Variants in ARNT observed in about 807,000 individuals in gnomAD.
ARNT encodes aryl hydrocarbon receptor nuclear translocator.
In ARNT, 30 loss-of-function variants were observed where a neutral mutation model predicts 105.0. The observed-to-expected ratio is 0.29, with a 90% CI of 0.21 to 0.39. ARNT has a LOEUF of 0.39. ARNT is among the 10% of genes least tolerant of loss of function. The pLI is 1.00. For missense variants in ARNT, 748 were observed against 978.7 expected (o/e 0.76, Z 3.15); for synonymous variants, 304 against 344.0 (o/e 0.88, Z 1.29).
In ARNT at chr1:150,810,085, C is replaced by A. The variant is rs968861476; in HGVS notation, c.*1936G>T. On this transcript the variant is annotated 3_prime_UTR_variant, in exon 22 of 22. Coordinates refer to ENST00000358595, the MANE Select transcript of ARNT (RefSeq NM_001668.4). ...TAAAGCCGCAATCAAGATCACACAACACAAGAAATTTTACAAAAGGAAAAA... is the reference window on the plus strand; with the variant it reads ...TAAAGCCGCAATCAAGATCACACAAAACAAGAAATTTTACAAAAGGAAAAA... 2 of 230,190 alleles carry A rather than the reference C, an allele frequency of 8.7e-6. No individual in the cohort carries two copies. Among genetic ancestry groups the A allele is most frequent in the African/African-American group, 4.4e-5 (2 of 45,068 alleles). The allele number at this position is 230,190 out of a possible 1,614,324, so 14.3% of individuals were successfully genotyped here.
At position 150,829,152 on chromosome 1, in the gene ARNT, C is replaced by G; in HGVS notation, c.1108G>C (p.Glu370Gln). The part of the protein sequence containing the change: ...PTEFISRHNI[E>Q]GIFTFVDHRC... ...TGATCCACAAAAGTGAAGATACCCT[C>G]AATGTTGTGTCGGGAGATGAACTCT... Residue 370 changes from glutamate to glutamine, a missense_variant, in exon 12 of 22, where the codon GAG (glutamate) becomes CAG (glutamine). Coordinates refer to ENST00000358595, the MANE Select transcript of ARNT (RefSeq NM_001668.4). The G allele has an allele frequency of 1.2e-6, 2 of 1,614,158 alleles. No homozygotes were observed. Among genetic ancestry groups the G allele is most frequent in the South Asian group, 2.2e-5 (2 of 91,082 alleles).
Position 150,816,394 on chromosome 1 carries a change from T to C in ARNT, c.1815A>G (p.Leu605=). The C allele has an allele frequency of 6.2e-7, 1 of 1,605,160 alleles. No individual in the cohort carries two copies. ...GCTGGACAATGGTTACAGGAGGGGCTAGGCCACTATTCCTAGGAGTGAATA... is the reference window on the plus strand; with the variant it reads ...GCTGGACAATGGTTACAGGAGGGGCCAGGCCACTATTCCTAGGAGTGAATA... The part of the protein sequence containing the change: ...RPAENFRNSG[L]APPVTIVQPS... The change falls in exon 19 of 22, where the codon CTA becomes CTG. Residue 605 remains leucine, a synonymous_variant. Coordinates refer to ENST00000358595, the MANE Select transcript of ARNT (RefSeq NM_001668.4).
chr1:150,829,799 G>T (rs987426728), intron 11 of ARNT, 105 bp downstream of exon 11: 5 of 1,234,316 alleles, frequency 4.1e-6, no homozygotes, highest in Non-Finnish European at 5.8e-6. Flanking sequence ...GAGTTTTATG[G>T]AATTCTTCAT....
chr1:150,824,599 C>G (rs1411855430), intron 13 of ARNT, among the ~76,000 whole-genome samples: 1 of 151,144 alleles, frequency 6.6e-6, no homozygotes, highest in African/African-American at 2.4e-5. Flanking sequence ...GGACTAGAGG[C>G]GTGCACCATC....
Position 150,831,920 on chromosome 1 carries a change from A to C in ARNT, c.870-17T>G. The C allele has an allele frequency of 7.7e-7, 1 of 1,301,842 alleles. No homozygotes were observed. The highest frequency in any genetic ancestry group is 2.4e-5 in the East Asian group (1 of 41,128). The allele number at this position is 1,301,842 out of a possible 1,614,324, so 80.6% of individuals were successfully genotyped here. A position where few individuals can be genotyped will look rare whatever the true frequency, so the allele number is the denominator to read the frequency against. ...AGTCCATTCCTAGAAGAGTTACAGG[A>C]GTTTGAAAAAAAAAAAAAAAATCTA... On this transcript the variant is annotated splice_polypyrimidine_tract_variant and intron_variant, in intron 9 of 21. Coordinates refer to ENST00000358595, the MANE Select transcript of ARNT (RefSeq NM_001668.4).
intron 3 of ARNT, among the ~76,000 whole-genome samples, chr1:150,847,144 G>A (rs933090989): frequency 5.9e-5 from 9 of 152,094 alleles, no homozygotes; most frequent in African/African-American, 1.4e-4. Flanking sequence ...AGAAAAAGAA[G>A]GGGGAGGCTG....
chr1:150,876,476 G>A, intron 1 of ARNT, 67 bp downstream of exon 1: 1 of 1,541,970 alleles, frequency 6.5e-7, no homozygotes, highest in Non-Finnish European at 8.7e-7. Context: ...TCAGCCCTGG[G>A]TCTCCTTAGT....
At chr1:150,826,693 G>A (rs1481669659) in intron 12 of ARNT, 76 bp from the exon 13 acceptor site, 6 of 1,123,018 alleles carry the variant, frequency 5.3e-6, no homozygotes, top group Non-Finnish European at 7.9e-6. Flanking sequence ...TGCCCAGGCT[G>A]GAGTACGATG....
intron 20 of ARNT, among the ~76,000 whole-genome samples, chr1:150,813,678 C>T (rs1655223055): frequency 6.6e-6 from 1 of 150,474 alleles, no homozygotes; most frequent in South Asian, 2.1e-4. Flanking sequence ...GAGTTTCACT[C>T]TTGTTGCCCA....
chr1:150,866,618 TAA>T (rs1386564384), intron 1 of ARNT, among the ~76,000 whole-genome samples: 2 of 152,202 alleles, frequency 1.3e-5, no homozygotes, highest in African/African-American at 4.8e-5. Context: ...TAAAACTATC[TAA>T]GTCTTTAAAT....
At chr1:150,867,566 T>C (rs1200107353) in intron 1 of ARNT, among the ~76,000 whole-genome samples, 1 of 152,106 alleles carries the variant, frequency 6.6e-6, no homozygotes, top group Admixed American at 6.6e-5. Flanking sequence ...GATAAAAATA[T>C]AGGAAAGTAG....
chr1:150,819,849 G>GT (rs1656700397), intron 14 of ARNT, among the ~76,000 whole-genome samples: 1 of 152,158 alleles, frequency 6.6e-6, no homozygotes, highest in Admixed American at 6.5e-5. Flanking sequence ...TTAGACTGCA[G>GT]TAAGAGTTAC....
chr1:150,814,273 T>C (rs905790950), intron 19 of ARNT, 34 bp from the exon 20 acceptor site: 3 of 1,604,664 alleles, frequency 1.9e-6, no homozygotes, highest in South Asian at 1.1e-5. Flanking sequence ...ATAGAACAAA[T>C]ACAGCATTAA....
chr1:150,859,226 T>C (rs1010783665), intron 1 of ARNT, among the ~76,000 whole-genome samples: 11 of 152,086 alleles, frequency 7.2e-5, no homozygotes, highest in Non-Finnish European at 1.6e-4. Context: ...AAGAAAATTA[T>C]GTAAAGTAAA....
intron 1 of ARNT, 131 bp downstream of exon 1, chr1:150,876,412 C>T: frequency 3.4e-6 from 5 of 1,463,454 alleles, no homozygotes; most frequent in Non-Finnish European, 4.6e-6. Flanking sequence ...GCTCCCCCAC[C>T]GTCTCTCGCG....
At chr1:150,845,557 G>A (rs367614618) in intron 4 of ARNT, among the ~76,000 whole-genome samples, 21 of 151,638 alleles carry the variant, frequency 1.4e-4, no homozygotes, top group African/African-American at 5.1e-4. Flanking sequence ...ACAGTGAGCC[G>A]AGATTACACC....
intron 3 of ARNT, among the ~76,000 whole-genome samples, chr1:150,852,262 T>G (rs1663765236): frequency 6.6e-6 from 1 of 152,302 alleles, no homozygotes; most frequent in South Asian, 2.1e-4. Context: ...AAATGTCATA[T>G]AAGCAGAGGC....
intron 9 of ARNT, 71 bp downstream of exon 9, chr1:150,832,263 G>A: frequency 6.6e-7 from 1 of 1,519,428 alleles, no homozygotes; most frequent in South Asian, 1.1e-5. Context: ...ACTACAGTAA[G>A]ACAGGTAAAA....
rs373867153 is a variant in ARNT at position 150,819,106 on chromosome 1, T to C, written c.1395-1076A>G. Among the ~76,000 whole-genome samples, 9 of 152,128 alleles carry C rather than the reference T, an allele frequency of 5.9e-5. No homozygotes were observed. In the East Asian group the frequency reaches 9.6e-4, roughly 16 times the overall value. On this transcript the variant is annotated intron_variant, in intron 14 of 21. Transcript: ENST00000358595. Reference sequence around the variant, plus strand: ...AAAACTTGTCACTAGGTATTATTCATATTTGCTAAGTAGTCATAATCTGAT... The same window carrying C: ...AAAACTTGTCACTAGGTATTATTCACATTTGCTAAGTAGTCATAATCTGAT...
Sources: gnomAD v4.1 joint callset for allele counts (sites outside exome capture counted in the v4.1 genomes callset) on GRCh38, gnomAD v4.1.1 for gene constraint, MANE v1.5 for transcripts, NCBI Gene and HGNC (gene_info 2026-07-23, HGNC 2026-07-21) for gene names.